The following SDR16C5 variants were observed in gnomAD, a reference collection of about 807,000 sequenced individuals.
The protein encoded by SDR16C5 is epidermal retinol dehydrogenase 2.
SDR16C5 carries 20 observed loss-of-function variants against 27.7 expected under a neutral mutation model. The observed-to-expected ratio is 0.72, with a 90% CI of 0.51 to 1.05. SDR16C5 has a LOEUF of 1.05. Ranked by LOEUF, SDR16C5 falls within the 50% of genes least tolerant of loss-of-function variation. SDR16C5 has a pLI of 0.00. For synonymous variants in SDR16C5, 139 were observed against 132.3 expected, an observed-to-expected ratio of 1.05 and a Z score of -0.35; for missense variants, 374 against 366.3, an observed-to-expected ratio of 1.02 and a Z score of -0.17.
intron 3 of SDR16C5, among the ~76,000 whole-genome samples, chr8:56,311,691 C>T (rs1358748228): frequency 6.6e-6 from 1 of 152,094 alleles, no homozygotes; most frequent in Non-Finnish European, 1.5e-5. Context: ...TTTGGTTTGC[C>T]CATAACAGAC....
intron 6 of SDR16C5, among the ~76,000 whole-genome samples, chr8:56,303,140 C>T (rs977902227): frequency 6.6e-6 from 1 of 151,744 alleles, no homozygotes; most frequent in African/African-American, 2.4e-5. Context: ...GTGGTGAAAC[C>T]CCATCTCTAC....
chr8:56,304,087 G>A (rs1205335872), intron 6 of SDR16C5: 4 of 702,070 alleles, frequency 5.7e-6, no homozygotes, highest in Non-Finnish European at 1.0e-5. Flanking sequence ...GATGAAGCCT[G>A]GAAAAATGAT....
rs115463760 is a variant in SDR16C5 at position 56,315,864 on chromosome 8, A to G, written c.333+151T>C. Reference sequence around the variant, plus strand: ...GGTAGTTAGTACAGTGTCTTTGCATACAATAAGAATTCAAAAATCCCAATT... The same window carrying G: ...GGTAGTTAGTACAGTGTCTTTGCATGCAATAAGAATTCAAAAATCCCAATT... On this transcript the variant is annotated intron_variant, in intron 2 of 6. Coordinates refer to ENST00000303749, the MANE Select transcript of SDR16C5 (RefSeq NM_138969.4). 243 of 630,016 alleles carry G rather than the reference A, an allele frequency of 3.9e-4. No homozygotes were observed. In the African/African-American group the frequency reaches 4.1e-3, roughly 11 times the overall value. The allele number at this position is 630,016 out of a possible 1,614,324, so 39.0% of individuals were successfully genotyped here.
chr8:56,313,963 C>T lies in SDR16C5; in HGVS notation c.334-1675G>A, dbSNP rs543572950. On this transcript the variant is annotated intron_variant, in intron 2 of 6. Coordinates refer to ENST00000303749, the MANE Select transcript of SDR16C5 (RefSeq NM_138969.4). ...GTAGCTCACACCTGTAATCCCAGCA[C>T]TTTGGGAGGCCGAGGCGGGTGGATA... Among the ~76,000 whole-genome samples the T allele has an allele frequency of 3.9e-5, 6 of 152,274 alleles. No individual in the cohort carries two copies. The East Asian group carries it at 1.2e-3, about 29-fold the overall frequency.
At chr8:56,309,104 GA>G in intron 3 of SDR16C5, 77 bp from the exon 4 acceptor site, 1 of 1,131,004 alleles carries the variant, frequency 8.8e-7, no homozygotes, top group Non-Finnish European at 1.2e-6. Context: ...TACTCATTGT[GA>G]TTAAAAAATC....
At chr8:56,304,531 G>GT (rs1814833977) in intron 6 of SDR16C5, among the ~76,000 whole-genome samples, 1 of 150,442 alleles carries the variant, frequency 6.6e-6, no homozygotes, top group South Asian at 2.1e-4. Context: ...GCACAAGAAT[G>GT]TTTTTTGCAC....
At position 56,300,595 on chromosome 8, in the gene SDR16C5, T is replaced by C. The variant is rs1487361125; in HGVS notation, c.*885A>G. 3 of 152,236 alleles carry C rather than the reference T, an allele frequency of 2.0e-5. No homozygotes were observed. The highest frequency in any genetic ancestry group is 6.5e-5 in the Admixed American group (1 of 15,282). The allele number at this position is 152,236 out of a possible 1,614,324, so 9.4% of individuals were successfully genotyped here. ...CCAAAGTGAGGGCAGCACTGATGAA[T>C]ATAAATGCATAAAATTGCCCATTCT... On this transcript the variant is annotated 3_prime_UTR_variant, in exon 7 of 7. Transcript: ENST00000303749.
chr8:56,306,845 G>A lies in SDR16C5; in HGVS notation c.566-25C>T, dbSNP rs143040777. The A allele has an allele frequency of 4.8e-4, 760 of 1,594,644 alleles. 2 individuals carry two copies. In the African/African-American group the frequency reaches 8.8e-3, roughly 18 times the overall value. ...TCTGAAAAAGACAAAGCATGATAAC[G>A]TATATTCCAAAGTTTTAAAATGGCA... On this transcript the variant is annotated intron_variant, in intron 4 of 6. Transcript: ENST00000303749.
At chr8:56,305,817 C>A in intron 5 of SDR16C5, 95 bp from the exon 6 acceptor site, 1 of 1,247,684 alleles carries the variant, frequency 8.0e-7, no homozygotes, top group South Asian at 1.5e-5. Context: ...GGTTTTAAGA[C>A]GTTATCACTT....
chr8:56,311,488 G>A (rs532531009), intron 3 of SDR16C5, among the ~76,000 whole-genome samples: 1 of 152,302 alleles, frequency 6.6e-6, no homozygotes, highest in Non-Finnish European at 1.5e-5. Flanking sequence ...GGCAGCAAGA[G>A]GGTGCATGCA....
intron 5 of SDR16C5, among the ~76,000 whole-genome samples, chr8:56,305,951 A>G (rs181830168): frequency 7.2e-4 from 110 of 152,388 alleles, no homozygotes; most frequent in Middle Eastern, 3.4e-3. Context: ...CACTGATATT[A>G]CAATATACAT....
intron 6 of SDR16C5, 45 bp from the exon 7 acceptor site, chr8:56,301,618 A>G (rs1490562164): frequency 7.1e-7 from 1 of 1,409,936 alleles, no homozygotes; most frequent in Non-Finnish European, 1.0e-6. Flanking sequence ...TCATTCATGA[A>G]AGCCTCTTTA....
At chr8:56,316,944 G>C (rs74496019) in intron 1 of SDR16C5, among the ~76,000 whole-genome samples, 1 of 152,114 alleles carries the variant, frequency 6.6e-6, no homozygotes. Flanking sequence ...GACCTTTTCC[G>C]ACAGATTTGC....
At chr8:56,313,134 G>T (rs368086476) in intron 2 of SDR16C5, among the ~76,000 whole-genome samples, 2 of 152,138 alleles carry the variant, frequency 1.3e-5, no homozygotes, top group African/African-American at 4.8e-5. Context: ...ATGAGTCCAT[G>T]TTCAAAATGC....
At chr8:56,305,993 A>C (rs1249453726) in intron 5 of SDR16C5, among the ~76,000 whole-genome samples, 1 of 152,228 alleles carries the variant, frequency 6.6e-6, no homozygotes, top group Non-Finnish European at 1.5e-5. Context: ...AAATATTCCA[A>C]ATATTTGTAA....
rs1814864878 is a variant in SDR16C5, at chr8:56,305,692, TG to T, written c.740del (p.Pro247GlnfsTer8). ...GCPSLLPILE[P>X]KYAVEKIVEA... ...CTACTATTTTTTCAACTGCATATTT[TG>T]GTTCCAGAATTGGCAACAGAGAAGG... On this transcript the variant is annotated frameshift_variant, in exon 6 of 7. Coordinates refer to ENST00000303749, the MANE Select transcript of SDR16C5 (RefSeq NM_138969.4). LOFTEE classifies it high-confidence loss of function. 1 of 1,601,816 alleles carries T rather than the reference TG, an allele frequency of 6.2e-7. No individual in the cohort carries two copies. The highest frequency in any genetic ancestry group is 1.3e-5 in the African/African-American group (1 of 74,324).
chr8:56,301,259 T>G lies in SDR16C5; in HGVS notation c.*221A>C. 1 of 437,846 alleles carries G rather than the reference T, an allele frequency of 2.3e-6. No individual in the cohort carries two copies. The highest frequency in any genetic ancestry group is 4.1e-6 in the Non-Finnish European group (1 of 243,784). 27.1% of individuals were successfully genotyped at this position (437,846 alleles called of 1,614,324 possible). On this transcript the variant is annotated 3_prime_UTR_variant, in exon 7 of 7. Transcript: ENST00000303749. ...GACAAAAATGGGCTGTCTTTATTTT[T>G]GGAAAAAAAAAGAAAAAGAAAAAAC...
intron 1 of SDR16C5, among the ~76,000 whole-genome samples, chr8:56,317,342 G>A (rs897177653): frequency 1.3e-5 from 2 of 152,026 alleles, no homozygotes; most frequent in Admixed American, 1.3e-4. Context: ...CTCATACAGA[G>A]CTTAGTGCTT....
chr8:56,316,035 C>T lies in SDR16C5; in HGVS notation c.313G>A (p.Val105Met). 6.2e-7 allele frequency: 1 copy of T among 1,613,692 alleles called. No individual in the cohort carries two copies. The highest frequency in any genetic ancestry group is 8.5e-7 in the Non-Finnish European group (1 of 1,179,616). The change falls in exon 2 of 7, where the codon GTG becomes ATG. Residue 105 changes from valine (V) to methionine (M), a missense_variant. Physicochemically the swap from Val to Met is conservative, Grantham distance 21. Coordinates refer to ENST00000303749, the MANE Select transcript of SDR16C5 (RefSeq NM_138969.4). ...GTTACCTGGTCGGCTACTCTATACACTCCTTCCTTTTGGCTGCAATCGCAG... is the reference window on the plus strand; with the variant it reads ...GTTACCTGGTCGGCTACTCTATACATTCCTTCCTTTTGGCTGCAATCGCAG... ...YTCDCSQKEG[V>M]YRVADQVKKE... is the part of the protein sequence containing the mutation.
Sources: gnomAD v4.1 joint callset for allele counts (sites outside exome capture counted in the v4.1 genomes callset) on GRCh38, gnomAD v4.1.1 for gene constraint, MANE v1.5 for transcripts, NCBI Gene and HGNC (gene_info 2026-07-23, HGNC 2026-07-21) for gene names.